The following TRDN variants were observed in gnomAD, a reference collection of about 807,000 sequenced individuals.
The protein encoded by TRDN is triadin, also known as triadin in skeletal muscle.
Under a neutral mutation model 149.7 loss-of-function variants are expected in TRDN, and 161 were observed. The observed-to-expected ratio is 1.08, with a 90% CI of 0.95 to 1.23. The LOEUF (loss-of-function observed/expected upper bound fraction) is 1.23, where lower values mean the gene tolerates loss of function less well. TRDN is among the 50% of genes most tolerant of loss of function. The pLI is 0.00. For missense variants in TRDN, 896 were observed against 823.5 expected (o/e 1.09, Z -1.08); for synonymous variants, 294 against 250.5 (o/e 1.17, Z -1.64).
chr6:123,420,960 T>C (rs1454436847), intron 12 of TRDN, among the ~76,000 whole-genome samples: 6 of 152,228 alleles, frequency 3.9e-5, no homozygotes, highest in Non-Finnish European at 7.3e-5. Flanking sequence ...AAACAGTATG[T>C]TTTTAAAAAG....
chr6:123,293,805 C>T (rs1183511488), intron 24 of TRDN, among the ~76,000 whole-genome samples: 1 of 144,784 alleles, frequency 6.9e-6, no homozygotes, highest in Non-Finnish European at 1.5e-5. Flanking sequence ...TTCCCCTGTA[C>T]ATCAAAAACT....
At chr6:123,428,333 C>G (rs1774206011) in intron 12 of TRDN, among the ~76,000 whole-genome samples, 1 of 152,156 alleles carries the variant, frequency 6.6e-6, no homozygotes, top group Admixed American at 6.5e-5. Flanking sequence ...GGACACTGAT[C>G]TATTCCACCC....
chr6:123,378,934 T>C (rs1277958104), intron 16 of TRDN, among the ~76,000 whole-genome samples: 1 of 152,212 alleles, frequency 6.6e-6, no homozygotes, highest in South Asian at 2.1e-4. Context: ...TTATAATAAG[T>C]ACTAATTTTA....
chr6:123,616,648 A>G (rs1785099790), intron 1 of TRDN, among the ~76,000 whole-genome samples: 1 of 152,080 alleles, frequency 6.6e-6, no homozygotes, highest in Non-Finnish European at 1.5e-5. Context: ...TTTTCTTTTA[A>G]TACTCCTCAT....
chr6:123,261,575 G>A (rs1240678707), intron 33 of TRDN, among the ~76,000 whole-genome samples: 1 of 151,406 alleles, frequency 6.6e-6, no homozygotes, highest in Non-Finnish European at 1.5e-5. Flanking sequence ...AAATTCTCTG[G>A]TAGTTTAAGA....
intron 4 of TRDN, among the ~76,000 whole-genome samples, chr6:123,535,471 T>A (rs1780482456): frequency 6.6e-6 from 1 of 152,162 alleles, no homozygotes; most frequent in Non-Finnish European, 1.5e-5. Context: ...TATCTCCTCT[T>A]AGATCCTTAT....
intron 38 of TRDN, among the ~76,000 whole-genome samples, chr6:123,230,974 T>G (rs1434828823): frequency 6.6e-6 from 1 of 152,004 alleles, no homozygotes; most frequent in Non-Finnish European, 1.5e-5. Context: ...ACCAATACCC[T>G]TATGAATTAT....
Position 123,442,571 on chromosome 6 carries a change from A to AC in TRDN, c.932-3569_932-3568insG, listed in dbSNP as rs201171237. ...AAAAAAAAAAAAAAAAGAAAAAAAA[A>AC]AAAAGTCTACCTTGCTTACTTGTGA... On this transcript the variant is annotated intron_variant, in intron 10 of 40. Transcript: ENST00000334268. Among the ~76,000 whole-genome samples the AC allele has an allele frequency of 3.3e-3, 501 of 151,322 alleles. 32 individuals carry two copies. The East Asian group carries it at 0.09, about 27-fold the overall frequency.
chr6:123,236,096 T>C (rs1023180794), intron 38 of TRDN, among the ~76,000 whole-genome samples: 9 of 152,330 alleles, frequency 5.9e-5, no homozygotes, highest in African/African-American at 2.2e-4. Context: ...TTTTCTATAG[T>C]GCCAGTACCA....
At chr6:123,483,773 A>G (rs978098198) in intron 9 of TRDN, among the ~76,000 whole-genome samples, 1 of 152,202 alleles carries the variant, frequency 6.6e-6, no homozygotes, top group Admixed American at 6.5e-5. Context: ...TGCTAGCATT[A>G]AGTACATACT....
At chr6:123,297,680 A>G (rs1036358625) in intron 24 of TRDN, among the ~76,000 whole-genome samples, 2 of 151,984 alleles carry the variant, frequency 1.3e-5, no homozygotes, top group African/African-American at 4.8e-5. Flanking sequence ...TTTGGTTGAA[A>G]TGTAGTGCTA....
chr6:123,563,384 C>T (rs1354482994), intron 2 of TRDN, among the ~76,000 whole-genome samples: 1 of 152,118 alleles, frequency 6.6e-6, no homozygotes, highest in Non-Finnish European at 1.5e-5. Context: ...TCTTTTATCC[C>T]TGTCAAGTAT....
At chr6:123,372,268 T>G (rs1188130436) in intron 19 of TRDN, among the ~76,000 whole-genome samples, 2 of 152,154 alleles carry the variant, frequency 1.3e-5, no homozygotes, top group African/African-American at 4.8e-5. Context: ...TACTTTTAAA[T>G]TCTGCATACA....
intron 7 of TRDN, among the ~76,000 whole-genome samples, chr6:123,504,965 G>T (rs183265322): frequency 1.6e-4 from 24 of 152,174 alleles, no homozygotes; most frequent in African/African-American, 5.5e-4. Flanking sequence ...TTTGATGAAG[G>T]CCGGGCATGG....
intron 1 of TRDN, among the ~76,000 whole-genome samples, chr6:123,618,451 G>T (rs1329434657): frequency 1.3e-5 from 2 of 152,038 alleles, no homozygotes; most frequent in Non-Finnish European, 1.5e-5. Flanking sequence ...TGATTTTATT[G>T]GGCCCACCCA....
intron 21 of TRDN, among the ~76,000 whole-genome samples, chr6:123,348,158 C>T (rs1263498271): frequency 6.6e-6 from 1 of 152,050 alleles, no homozygotes; most frequent in East Asian, 1.9e-4. Flanking sequence ...ACTACTTTGA[C>T]ATTCCAAGAT....
intron 33 of TRDN, among the ~76,000 whole-genome samples, chr6:123,261,423 T>C (rs536812596): frequency 1.6e-4 from 25 of 151,870 alleles, no homozygotes; most frequent in Non-Finnish European, 2.9e-4. Context: ...GCCTTTTGCC[T>C]ATGCTCATAC....
chr6:123,386,192 G>A (rs1295454824), intron 14 of TRDN, among the ~76,000 whole-genome samples: 15 of 152,168 alleles, frequency 9.9e-5, no homozygotes, highest in Admixed American at 9.8e-4. Flanking sequence ...GTAACATGAA[G>A]TACAAGGTGG....
At chr6:123,351,433 TA>T in intron 21 of TRDN, 1 of 984,836 alleles carries the variant, frequency 1.0e-6, no homozygotes, top group South Asian at 4.7e-5. Flanking sequence ...TTTCAGAAAC[TA>T]AAATTCCACT....
Sources: allele counts gnomAD v4.1 joint callset (sites outside exome capture counted in the v4.1 genomes callset), GRCh38; gene constraint gnomAD v4.1.1; transcripts MANE v1.5; gene names NCBI Gene and HGNC (gene_info 2026-07-23, HGNC 2026-07-21).